BIRC6: variants seen among roughly 807,000 people sequenced by gnomAD.
The protein encoded by BIRC6 is dual E2 ubiquitin-conjugating enzyme/E3 ubiquitin-protein ligase BIRC6.
A neutral mutation model predicts 503.3 loss-of-function variants in BIRC6; 98 were observed. The ratio of observed to expected loss-of-function variants is 0.19; its 90% confidence interval spans 0.17 to 0.23. The LOEUF is 0.23. Ranked by LOEUF, BIRC6 falls within the 10% of genes least tolerant of loss-of-function variation. BIRC6 has a pLI of 1.00. For synonymous variants in BIRC6, 2,240 were observed against 2,078.7 expected, an observed-to-expected ratio of 1.08 and a Z score of -2.11; for missense variants, 5,360 against 5,806.0, an observed-to-expected ratio of 0.92 and a Z score of 2.50.
In BIRC6 at chr2:32,595,098, G is replaced by C. The variant is rs1190946591; in HGVS notation, c.13566G>C (p.Lys4522Asn). The C allele has an allele frequency of 1.2e-6, 2 of 1,600,666 alleles. No individual in the cohort carries two copies. The highest frequency in any genetic ancestry group is 1.7e-6 in the Non-Finnish European group (2 of 1,176,840). Residue 4522 changes from lysine (K) to asparagine (N), a missense_variant, in exon 68 of 74, where the codon AAG becomes AAC. Coordinates refer to ENST00000421745, the MANE Select transcript of BIRC6 (RefSeq NM_016252.4). ...AMKPKPLSVLKSLEEKYVAVM... is the reference protein window; with the variant it reads ...AMKPKPLSVLNSLEEKYVAVM... ...AACCCAAACCTTTGTCAGTATTAAA[G>C]TCACTTGAAGAAAAATATGTGGCTG...
intron 64 of BIRC6, 101 bp from the exon 65 acceptor site, chr2:32,549,212 G>T (rs2058271322): frequency 1.3e-6 from 1 of 790,334 alleles, no homozygotes; most frequent in African/African-American, 1.8e-5. Context: ...TGATTAAGTA[G>T]AAAATATGTA....
chr2:32,431,851 A>G (rs1013270883), intron 12 of BIRC6, among the ~76,000 whole-genome samples: 2 of 152,248 alleles, frequency 1.3e-5, no homozygotes, highest in African/African-American at 4.8e-5. Context: ...ACCATGCCAT[A>G]TGGGCATAAA....
chr2:32,460,272 A>ATTT lies in BIRC6; in HGVS notation c.4754-2899_4754-2897dup, dbSNP rs70938346. On this transcript the variant is annotated intron_variant, in intron 23 of 73. Transcript: ENST00000421745. The stretch of plus-strand genomic sequence containing the variant: ...TATATATATATATATATATATATAT[A>ATTT]TTTTTTTTTTTTTTTTTTTTTTTTT... 7.4e-3 allele frequency among the ~76,000 whole-genome samples: 140 copies of ATTT among 18,828 alleles called. 30 individuals are homozygous for ATTT. Among genetic ancestry groups the ATTT allele is most frequent in the East Asian group, 0.016 (7 of 428 alleles). 12.4% of individuals were successfully genotyped at this position (18,828 alleles called of 152,430 possible).
At chr2:32,430,805 CT>C (rs370529825) in intron 11 of BIRC6, 59 bp from the exon 12 acceptor site, 33,628 of 479,588 alleles carry the variant, frequency 0.07, 6 homozygotes, top group East Asian at 0.12. Flanking sequence ...TCATTGTCTT[CT>C]TTTTTTTTTT....
intron 61 of BIRC6, among the ~76,000 whole-genome samples, chr2:32,542,048 A>C (rs1014139846): frequency 6.6e-6 from 1 of 152,058 alleles, no homozygotes; most frequent in African/African-American, 2.4e-5. Context: ...CAATTCTGCT[A>C]TCTTTATTTA....
At chr2:32,513,291 T>G in intron 54 of BIRC6, 137 bp downstream of exon 54, 1 of 653,268 alleles carries the variant, frequency 1.5e-6, no homozygotes, top group Non-Finnish European at 2.6e-6. Flanking sequence ...CAAGTATACT[T>G]TTGAAATGAA....
intron 26 of BIRC6, among the ~76,000 whole-genome samples, chr2:32,467,226 G>A (rs1036257721): frequency 1.3e-5 from 2 of 151,948 alleles, no homozygotes; most frequent in African/African-American, 2.4e-5. Context: ...GGAGCTCCTC[G>A]GCTCAAGCAA....
chr2:32,488,100 G>T (rs2051223151), intron 41 of BIRC6, among the ~76,000 whole-genome samples: 1 of 152,076 alleles, frequency 6.6e-6, no homozygotes, highest in Admixed American at 6.5e-5. Flanking sequence ...TAGCTACTCA[G>T]GAGGCTGAGG....
chr2:32,493,502 C>T (rs2052015426), intron 44 of BIRC6, 38 bp from the exon 45 acceptor site: 3 of 1,536,970 alleles, frequency 2.0e-6, no homozygotes, highest in African/African-American at 1.4e-5. Flanking sequence ...TACATGTTAC[C>T]AGTAAGCAGT....
At chr2:32,549,588 A>G (rs775941729) in intron 65 of BIRC6, 107 bp downstream of exon 65, 4 of 1,041,126 alleles carry the variant, frequency 3.8e-6, no homozygotes, top group Non-Finnish European at 5.1e-6. Flanking sequence ...TTTATTTCCT[A>G]AAAAGTATTC....
rs369271761 is a variant in BIRC6, at chr2:32,549,292, A to G, written c.12976-21A>G. The G allele has an allele frequency of 5.0e-6, 7 of 1,396,926 alleles. No individual in the cohort carries two copies. In the African/African-American group the frequency reaches 8.6e-5, roughly 17 times the overall value. The allele number at this position is 1,396,926 out of a possible 1,614,324, so 86.5% of individuals were successfully genotyped here. On this transcript the variant is annotated intron_variant, in intron 64 of 73. Transcript: ENST00000421745. ...TGAAGTATGTGAAACTGAAATCCAA[A>G]TTAATTTCAACAATTTTTAGGTTCT...
intron 65 of BIRC6, chr2:32,566,559 G>C (rs2059546647): frequency 6.6e-6 from 1 of 151,844 alleles, no homozygotes; most frequent in African/African-American, 2.4e-5. Context: ...TTTCTGTATT[G>C]CCTAGGCTGG....
intron 6 of BIRC6, among the ~76,000 whole-genome samples, chr2:32,399,799 T>A (rs1164948535): frequency 6.6e-6 from 1 of 151,998 alleles, no homozygotes; most frequent in Non-Finnish European, 1.5e-5. Flanking sequence ...AAATTTTTTA[T>A]TTTTTAGAGA....
chr2:32,400,470 C>G (rs2040484487), intron 6 of BIRC6, among the ~76,000 whole-genome samples: 1 of 151,188 alleles, frequency 6.6e-6, no homozygotes, highest in Admixed American at 6.6e-5. Flanking sequence ...TCCTGAGTAG[C>G]TGGGATTACG....
intron 10 of BIRC6, among the ~76,000 whole-genome samples, chr2:32,424,734 A>G (rs1353505578): frequency 6.6e-6 from 1 of 152,096 alleles, no homozygotes; most frequent in Non-Finnish European, 1.5e-5. Context: ...GCTGGTCTCC[A>G]ACTCCTGACC....
intron 67 of BIRC6, 78 bp downstream of exon 67, chr2:32,594,138 G>T: frequency 1.4e-6 from 2 of 1,456,134 alleles, no homozygotes; most frequent in Non-Finnish European, 1.8e-6. Context: ...CTGCCTTTGT[G>T]TTTTTGCTTT....
chr2:32,395,447 T>C lies in BIRC6; in HGVS notation c.952-64T>C, dbSNP rs1163983836. On this transcript the variant is annotated intron_variant, in intron 5 of 73. Transcript: ENST00000421745. ...AAATTATGAACTTTTAAAAATAACTTTTATTATAAAGCTATTTTAATAATG... is the reference window on the plus strand; with the variant it reads ...AAATTATGAACTTTTAAAAATAACTCTTATTATAAAGCTATTTTAATAATG... 6.3e-6 allele frequency: 8 copies of C among 1,269,270 alleles called. No individual in the cohort carries two copies. The East Asian group carries it at 9.5e-5, about 15-fold the overall frequency. 78.6% of individuals were successfully genotyped at this position (1,269,270 alleles called of 1,614,324 possible). A position where few individuals can be genotyped will look rare whatever the true frequency, so the allele number is the denominator to read the frequency against.
At chr2:32,513,778 G>T (rs903485736) in intron 54 of BIRC6, among the ~76,000 whole-genome samples, 1 of 152,122 alleles carries the variant, frequency 6.6e-6, no homozygotes, top group South Asian at 2.1e-4. Flanking sequence ...GCGTGGTGGC[G>T]CGTGTCTGTA....
At chr2:32,537,835 A>C (rs1350123841) in intron 61 of BIRC6, among the ~76,000 whole-genome samples, 1 of 151,988 alleles carries the variant, frequency 6.6e-6, no homozygotes, top group Admixed American at 6.6e-5. Context: ...GCGGGGTGGC[A>C]GGTGCCTGTA....
Sources: gnomAD v4.1 joint callset for allele counts (sites outside exome capture counted in the v4.1 genomes callset) on GRCh38, gnomAD v4.1.1 for gene constraint, MANE v1.5 for transcripts, NCBI Gene and HGNC (gene_info 2026-07-23, HGNC 2026-07-21) for gene names.